SPA17: variants seen among roughly 807,000 people sequenced by gnomAD.
SPA17 encodes the protein sperm surface protein Sp17.
In SPA17, 7 loss-of-function variants were observed where a neutral mutation model predicts 13.8. That is an observed-to-expected ratio of 0.51 (90% CI 0.29 to 0.95). The LOEUF is 0.95. Among genes scored for constraint, SPA17 ranks in the 40% least tolerant of loss-of-function variants. The pLI is 0.08. For missense variants in SPA17, 170 were observed against 179.3 expected, an observed-to-expected ratio of 0.95 and a Z score of 0.30; for synonymous variants, 61 against 59.0, an observed-to-expected ratio of 1.03 and a Z score of -0.16.
chr11:124,685,556 G>A (rs1380354360), intron 3 of SPA17, among the ~76,000 whole-genome samples: 1 of 152,186 alleles, frequency 6.6e-6, no homozygotes, highest in Non-Finnish European at 1.5e-5. Flanking sequence ...TGTAAGAAGA[G>A]GGCCACCATC....
intron 2 of SPA17, among the ~76,000 whole-genome samples, chr11:124,676,648 A>C (rs368385897): frequency 1.3e-5 from 2 of 152,374 alleles, no homozygotes; most frequent in Middle Eastern, 6.8e-3. Flanking sequence ...TGAAACTTTA[A>C]ATATTTTCCA....
chr11:124,681,440 A>G lies in SPA17; in HGVS notation c.206A>G (p.Tyr69Cys), dbSNP rs144732457. 56 of 1,585,968 alleles carry G rather than the reference A, an allele frequency of 3.5e-5. No individual in the cohort carries two copies. The East Asian group carries it at 1.1e-3, about 30-fold the overall frequency. Residue 69 changes from tyrosine to cysteine, a missense_variant, in exon 3 of 5, where the codon TAT becomes TGT. Transcript: ENST00000227135. ...GGGAGTAAGGTAGAAGACCGCTTCT[A>G]TAACAATCATGCATTCGAGGTATGG... ...EWGSKVEDRF[Y>C]NNHAFEEQEP...
chr11:124,684,558 A>C (rs1004704418), intron 3 of SPA17, among the ~76,000 whole-genome samples: 3 of 152,204 alleles, frequency 2.0e-5, no homozygotes, highest in African/African-American at 7.2e-5. Flanking sequence ...GGCCTAATGC[A>C]GTAAATTGGT....
intron 2 of SPA17, among the ~76,000 whole-genome samples, chr11:124,679,875 G>T (rs1483914319): frequency 1.3e-5 from 2 of 152,090 alleles, no homozygotes; most frequent in African/African-American, 4.8e-5. Context: ...GCATCAATAA[G>T]AATAATACGT....
chr11:124,696,152 C>G lies in SPA17; in HGVS notation c.*1706C>G, dbSNP rs529576245. 6.6e-6 allele frequency: 1 copy of G among 152,386 alleles called. No individual in the cohort carries two copies. Among genetic ancestry groups the G allele is most frequent in the South Asian group, 2.1e-4 (1 of 4,822 alleles). 9.4% of individuals were successfully genotyped at this position (152,386 alleles called of 1,614,324 possible). A position where few individuals can be genotyped will look rare whatever the true frequency, so the allele number is the denominator to read the frequency against. ...ACAAGTCTCTAATATCCCCCTTCCTCTCCTCCTTAACCCCTCTCCTCCAGG... is the reference window on the plus strand; with the variant it reads ...ACAAGTCTCTAATATCCCCCTTCCTGTCCTCCTTAACCCCTCTCCTCCAGG... On this transcript the variant is annotated 3_prime_UTR_variant, in exon 5 of 5. Transcript: ENST00000227135.
At position 124,695,080 on chromosome 11, in the gene SPA17, C is replaced by T. The variant is rs1943659068; in HGVS notation, c.*634C>T. 1 of 152,554 alleles carries T rather than the reference C, an allele frequency of 6.6e-6. No homozygotes were observed. The highest frequency in any genetic ancestry group is 2.4e-5 in the African/African-American group (1 of 41,444). 9.5% of individuals were successfully genotyped at this position (152,554 alleles called of 1,614,324 possible). A position where few individuals can be genotyped will look rare whatever the true frequency, so the allele number is the denominator to read the frequency against. ...CGAGATCGCACCACTGCACTCCAGCCTGGGCGACAGAGCAAGACTCTGTCT... is the reference window on the plus strand; with the variant it reads ...CGAGATCGCACCACTGCACTCCAGCTTGGGCGACAGAGCAAGACTCTGTCT... On this transcript the variant is annotated 3_prime_UTR_variant, in exon 5 of 5. Transcript: ENST00000227135.
In SPA17 at chr11:124,694,904, C is replaced by T. The variant is rs1483391370; in HGVS notation, c.*458C>T. The T allele has an allele frequency of 6.5e-6, 1 of 152,718 alleles. No individual in the cohort carries two copies. Among genetic ancestry groups the T allele is most frequent in the Non-Finnish European group, 1.5e-5 (1 of 68,494 alleles). The allele number at this position is 152,718 out of a possible 1,614,324, so 9.5% of individuals were successfully genotyped here. ...AAAGATAAGCTGGGACAAAAATCTGCCTCCTTCAGCCTGGCCAACATGGTG... is the reference window on the plus strand; with the variant it reads ...AAAGATAAGCTGGGACAAAAATCTGTCTCCTTCAGCCTGGCCAACATGGTG... On this transcript the variant is annotated 3_prime_UTR_variant, in exon 5 of 5. Coordinates refer to ENST00000227135, the MANE Select transcript of SPA17 (RefSeq NM_017425.4).
At chr11:124,675,585 C>T in intron 2 of SPA17, 167 bp downstream of exon 2, 1 of 627,464 alleles carries the variant, frequency 1.6e-6, no homozygotes. Context: ...TTGATATGTT[C>T]TCTTAAATTC....
rs1483804122 is a variant in SPA17, at chr11:124,694,331, A to T, written c.341A>T (p.Glu114Val). 6.2e-7 allele frequency: 1 copy of T among 1,613,896 alleles called. No homozygotes were observed. Among genetic ancestry groups the T allele is most frequent in the Non-Finnish European group, 8.5e-7 (1 of 1,179,986 alleles). ...TCTTCTGAGGAAGATAAGGAAAAAG[A>T]AGAGGTTGCTGCTGTCAAAATCCAA... ...LDSSEEDKEK[E>V]EVAAVKIQAA... is the part of the protein sequence containing the mutation. The change falls in exon 5 of 5, where the codon GAA becomes GTA. Residue 114 changes from glutamate to valine, a missense_variant. Coordinates refer to ENST00000227135, the MANE Select transcript of SPA17 (RefSeq NM_017425.4).
rs780425513 is a variant in SPA17 at position 124,694,456 on chromosome 11, T to C, written c.*10T>C. 8.8e-6 allele frequency: 14 copies of C among 1,590,800 alleles called. No homozygotes were observed. The highest frequency in any genetic ancestry group is 1.1e-5 in the Non-Finnish European group (13 of 1,169,760). On this transcript the variant is annotated 3_prime_UTR_variant, in exon 5 of 5. Transcript: ENST00000227135. ...AGAGGAAAACAAGTGAGGACACTGG[T>C]TTTACCTCCAGGAAACATGAAAAAT... is the stretch of plus-strand genomic sequence containing the variant.
At chr11:124,674,491 C>G (rs7944163) in intron 1 of SPA17, 4 of 152,320 alleles carry the variant, frequency 2.6e-5, no homozygotes, top group African/African-American at 9.7e-5. Flanking sequence ...ATTAACAGGC[C>G]AGGTCCCGGA....
At chr11:124,686,171 G>A (rs1310147591) in intron 3 of SPA17, among the ~76,000 whole-genome samples, 1 of 137,968 alleles carries the variant, frequency 7.2e-6, no homozygotes, top group Non-Finnish European at 1.5e-5. Flanking sequence ...GGATCTCGTG[G>A]AGGTAATGGA....
intron 2 of SPA17, among the ~76,000 whole-genome samples, chr11:124,678,358 G>A (rs1362166461): frequency 6.6e-6 from 1 of 151,906 alleles, no homozygotes; most frequent in Non-Finnish European, 1.5e-5. Context: ...AAACACAGAC[G>A]GGGGTCTCAT....
intron 3 of SPA17, among the ~76,000 whole-genome samples, chr11:124,684,892 A>G (rs956591398): frequency 7.9e-5 from 12 of 152,230 alleles, no homozygotes; most frequent in African/African-American, 2.9e-4. Flanking sequence ...TGAACTTGAG[A>G]GAAATAATTT....
rs776357469 is a variant in SPA17, at chr11:124,694,689, A to AT, written c.*246dup. 4 of 369,026 alleles carry AT rather than the reference A, an allele frequency of 1.1e-5. No individual in the cohort carries two copies. The highest frequency in any genetic ancestry group is 1.9e-5 in the Non-Finnish European group (4 of 207,592). The allele number at this position is 369,026 out of a possible 1,614,324, so 22.9% of individuals were successfully genotyped here. ...CAAGCCTATCTATAGAGACCCTTGGATTTAGAATTATAGAACTAAAGTATC... is the reference window on the plus strand; with the variant it reads ...CAAGCCTATCTATAGAGACCCTTGGATTTTAGAATTATAGAACTAAAGTATC... On this transcript the variant is annotated 3_prime_UTR_variant, in exon 5 of 5. Coordinates refer to ENST00000227135, the MANE Select transcript of SPA17 (RefSeq NM_017425.4).
At chr11:124,691,585 C>T in intron 3 of SPA17, 111 bp from the exon 4 acceptor site, 1 of 485,712 alleles carries the variant, frequency 2.1e-6, no homozygotes, top group Non-Finnish European at 3.6e-6. Flanking sequence ...TATTTAATTC[C>T]CCCTATTTCT....
At chr11:124,680,109 G>A (rs1254957582) in intron 2 of SPA17, among the ~76,000 whole-genome samples, 1 of 152,014 alleles carries the variant, frequency 6.6e-6, no homozygotes. Flanking sequence ...TCCTTAATGA[G>A]TACTCCAGAA....
At chr11:124,674,096 A>C in intron 1 of SPA17, 144 bp downstream of exon 1, 3 of 236,746 alleles carry the variant, frequency 1.3e-5, no homozygotes, top group East Asian at 1.1e-4. Context: ...CGAGTCTGAA[A>C]TCCCAGGTCC....
intron 2 of SPA17, among the ~76,000 whole-genome samples, chr11:124,677,210 A>G (rs1419422412): frequency 6.6e-6 from 1 of 152,216 alleles, no homozygotes; most frequent in Non-Finnish European, 1.5e-5. Flanking sequence ...CAAATTATCT[A>G]GAAGATACAA....
Sources: gnomAD v4.1 joint callset for allele counts (sites outside exome capture counted in the v4.1 genomes callset) on GRCh38, gnomAD v4.1.1 for gene constraint, MANE v1.5 for transcripts, NCBI Gene and HGNC (gene_info 2026-07-23, HGNC 2026-07-21) for gene names.